Variants in TMC2 observed in about 807,000 individuals in gnomAD.
TMC2 encodes the protein transmembrane channel-like protein 2.
In TMC2, 102 loss-of-function variants were observed where a neutral mutation model predicts 105.9. The ratio of observed to expected loss-of-function variants is 0.96; its 90% CI spans 0.82 to 1.14. The LOEUF (loss-of-function observed/expected upper bound fraction) is 1.14. Among genes scored for constraint, TMC2 ranks in the 50% most tolerant of loss-of-function variants. The pLI, the probability that TMC2 is intolerant of heterozygous loss-of-function variation, is 0.00. For synonymous variants in TMC2, 402 were observed against 422.8 expected (o/e 0.95, Z 0.60); for missense variants, 1,093 against 1,134.3 (o/e 0.96, Z 0.52).
intron 19 of TMC2, among the ~76,000 whole-genome samples, chr20:2,638,571 G>T (rs1333152785): frequency 6.6e-6 from 1 of 152,152 alleles, no homozygotes; most frequent in Non-Finnish European, 1.5e-5. Flanking sequence ...TGTTATCACA[G>T]GAGATGACAG....
chr20:2,597,989 T>C (rs2086320941), intron 10 of TMC2, among the ~76,000 whole-genome samples: 1 of 152,156 alleles, frequency 6.6e-6, no homozygotes, highest in Non-Finnish European at 1.5e-5. Flanking sequence ...GAGACTCTGA[T>C]ATAACTGGCC....
At chr20:2,599,222 C>T (rs2086331669) in intron 10 of TMC2, among the ~76,000 whole-genome samples, 1 of 149,742 alleles carries the variant, frequency 6.7e-6, no homozygotes, top group Admixed American at 6.7e-5. Context: ...GAGCCAAGAT[C>T]GCACCACGGC....
chr20:2,571,933 C>G (rs2422786), intron 4 of TMC2, among the ~76,000 whole-genome samples: 19,255 of 152,164 alleles, frequency 0.13, 1,507 homozygotes, highest in African/African-American at 0.21. Flanking sequence ...TGGAACACCA[C>G]CAGACGAAGG....
intron 16 of TMC2, among the ~76,000 whole-genome samples, chr20:2,621,943 A>G (rs771864640): frequency 3.9e-5 from 6 of 152,246 alleles, no homozygotes; most frequent in Non-Finnish European, 8.8e-5. Context: ...ATTCAACGAC[A>G]AAATAATCTA....
In TMC2 at chr20:2,592,634, G is replaced by A. The variant is rs2086277720; in HGVS notation, c.933+226G>A. 6.6e-6 allele frequency among the ~76,000 whole-genome samples: 1 copy of A among 152,096 alleles called. No individual in the cohort carries two copies. The highest frequency in any genetic ancestry group is 1.5e-5 in the Non-Finnish European group (1 of 68,018). ...ACTCTGACAGATGTGGGCTCCCCAT[G>A]CAGCCACTGCACCTCTCTGTCTGCC... On this transcript the variant is annotated intron_variant, in intron 8 of 19. Coordinates refer to ENST00000358864, the MANE Select transcript of TMC2 (RefSeq NM_080751.3). The surrounding 1 kb of genome is among the most constrained non-coding windows in gnomAD (Gnocchi z 4.9).
At position 2,617,101 on chromosome 20, in the gene TMC2, T is replaced by C; in HGVS notation, c.1970T>C (p.Val657Ala). Reference protein sequence around the residue: ...WMGSFYAPGLVGINVLRLLTS... With the variant: ...WMGSFYAPGLAGINVLRLLTS... ...GGCTCCTTCTATGCTCCAGGCCTGG[T>C]GGGCATTAATGTGCTGCGCCTGCTG... is the stretch of plus-strand genomic sequence containing the variant. Residue 657 changes from valine (V) to alanine (A), a missense_variant, in exon 16 of 20, where the codon GTG (valine) becomes GCG (alanine). Transcript: ENST00000358864. The C allele has an allele frequency of 6.2e-7, 1 of 1,614,188 alleles. No individual in the cohort carries two copies. The highest frequency in any genetic ancestry group is 8.5e-7 in the Non-Finnish European group (1 of 1,180,024).
intron 2 of TMC2, among the ~76,000 whole-genome samples, chr20:2,545,852 A>AGAAAGAAAGAAAGAAAGAAAG (rs1491563493): frequency 1.1e-5 from 1 of 93,846 alleles, no homozygotes; most frequent in Admixed American, 9.2e-5. Flanking sequence ...AAAGAAAGAA[A>AGAAAGAAAGAAAGAAAGAAAG]GAGAAAGAAA....
intron 2 of TMC2, among the ~76,000 whole-genome samples, chr20:2,540,809 C>T (rs1885629772): frequency 6.6e-6 from 1 of 152,144 alleles, no homozygotes; most frequent in Admixed American, 6.5e-5. Flanking sequence ...TCACCCTCCC[C>T]ACATCACCTT....
At position 2,624,910 on chromosome 20, in the gene TMC2, A is replaced by T. The variant is rs147085962; in HGVS notation, c.2306+514A>T. On this transcript the variant is annotated intron_variant, in intron 17 of 19. Transcript: ENST00000358864. ...GAGCCTATCAGGAAGCTGAACGGTGATTCGGCCTGATCCTGGCTGGGCCCA... is the reference window on the plus strand; with the variant it reads ...GAGCCTATCAGGAAGCTGAACGGTGTTTCGGCCTGATCCTGGCTGGGCCCA... Among the ~76,000 whole-genome samples, 855 of 152,334 alleles carry T rather than the reference A, an allele frequency of 5.6e-3. 3 individuals carry two copies. Among genetic ancestry groups the T allele is most frequent in the Non-Finnish European group, 9.8e-3 (665 of 68,040 alleles).
At chr20:2,624,946 C>T (rs1231793441) in intron 17 of TMC2, among the ~76,000 whole-genome samples, 3 of 152,192 alleles carry the variant, frequency 2.0e-5, no homozygotes, top group Non-Finnish European at 2.9e-5. Flanking sequence ...CAGCACTACT[C>T]GATGGAGCAG....
At chr20:2,548,306 A>G (rs1467541975) in intron 2 of TMC2, among the ~76,000 whole-genome samples, 1 of 152,250 alleles carries the variant, frequency 6.6e-6, no homozygotes, top group Non-Finnish European at 1.5e-5. Context: ...TAAACTTAAA[A>G]TTATGTTTAG....
rs556219252 is a variant in TMC2, at chr20:2,589,395, C to T, written c.835-2915C>T. Among the ~76,000 whole-genome samples the T allele has an allele frequency of 2.7e-5, 4 of 150,480 alleles. No individual in the cohort carries two copies. The East Asian group carries it at 8.0e-4, about 30-fold the overall frequency. On this transcript the variant is annotated intron_variant, in intron 7 of 19. Transcript: ENST00000358864. ...AGCTCAAGCGATCCACCTGCCTCAACCTCCCAAACCTATTTGTCCTTAAAT... is the reference window on the plus strand; with the variant it reads ...AGCTCAAGCGATCCACCTGCCTCAATCTCCCAAACCTATTTGTCCTTAAAT...
At chr20:2,556,563 G>A (rs1354557758) in intron 2 of TMC2, among the ~76,000 whole-genome samples, 1 of 152,062 alleles carries the variant, frequency 6.6e-6, no homozygotes, top group Admixed American at 6.6e-5. Context: ...TTGAGGCCAG[G>A]AGTTTGAGAT....
chr20:2,554,943 A>G (rs80077888), intron 2 of TMC2, among the ~76,000 whole-genome samples: 1,986 of 152,348 alleles, frequency 0.013, 20 homozygotes, highest in Non-Finnish European at 0.017. Context: ...ATTTAATCCA[A>G]TTGATTAATA....
At chr20:2,541,534 G>A (rs750748816) in intron 2 of TMC2, among the ~76,000 whole-genome samples, 15 of 151,832 alleles carry the variant, frequency 9.9e-5, no homozygotes, top group African/African-American at 2.9e-4. Flanking sequence ...CCAGCTGCTC[G>A]GGAGGCTGAG....
At position 2,621,634 on chromosome 20, in the gene TMC2, A is replaced by G. The variant is rs189133797; in HGVS notation, c.2181-2637A>G. Among the ~76,000 whole-genome samples the G allele has an allele frequency of 4.2e-4, 64 of 152,328 alleles. 1 individual carries two copies. In the East Asian group the frequency reaches 0.012, roughly 28 times the overall value. On this transcript the variant is annotated intron_variant, in intron 16 of 19. Coordinates refer to ENST00000358864, the MANE Select transcript of TMC2 (RefSeq NM_080751.3). ...CAGTGAGCCGAAATCATGCCACTGC[A>G]CTCCAGACTGGGCAACGAGCAAGAC...
At chr20:2,603,443 T>C (rs903209507) in intron 11 of TMC2, among the ~76,000 whole-genome samples, 2 of 152,194 alleles carry the variant, frequency 1.3e-5, no homozygotes, top group Non-Finnish European at 2.9e-5. Flanking sequence ...GTGATTCTAA[T>C]AGATGTAAAT....
chr20:2,573,350 C>A (rs191937955), intron 5 of TMC2, among the ~76,000 whole-genome samples: 2 of 152,094 alleles, frequency 1.3e-5, no homozygotes, highest in African/African-American at 4.8e-5. Context: ...TATCCTTAAG[C>A]AAAGTTTGTC....
At chr20:2,560,464 T>A (rs1181850279) in intron 3 of TMC2, among the ~76,000 whole-genome samples, 1 of 152,128 alleles carries the variant, frequency 6.6e-6, no homozygotes, top group African/African-American at 2.4e-5. Context: ...TGCCCAGCCA[T>A]AACCCTTCCT....
Sources: gnomAD v4.1 joint callset for allele counts (sites outside exome capture counted in the v4.1 genomes callset) on GRCh38, gnomAD v4.1.1 for gene constraint, Gnocchi (gnomAD v3.1) non-coding constraint, MANE v1.5 for transcripts, NCBI Gene and HGNC (gene_info 2026-07-23, HGNC 2026-07-21) for gene names.